The following HAPLN2 variants were observed in gnomAD, a reference collection of about 807,000 sequenced individuals.
The protein encoded by HAPLN2 is hyaluronan and proteoglycan link protein 2.
In HAPLN2, 27 loss-of-function variants were observed where a neutral mutation model predicts 29.3. That is an observed-to-expected ratio of 0.92 (90% CI 0.68 to 1.27). The LOEUF is 1.27. Ranked by LOEUF, HAPLN2 falls within the 50% of genes most tolerant of loss-of-function variation. The pLI is 0.00. For missense variants in HAPLN2, 454 were observed against 484.3 expected (o/e 0.94, Z 0.59); for synonymous variants, 208 against 211.7 (o/e 0.98, Z 0.15).
At position 156,624,417 on chromosome 1, in the gene HAPLN2, C is replaced by G. The variant is rs566088886; in HGVS notation, c.506C>G (p.Ala169Gly). The G allele has an allele frequency of 5.6e-6, 9 of 1,611,560 alleles. No homozygotes were observed. The African/African-American group carries it at 1.1e-4, about 19-fold the overall frequency. ...YQFNYYEAKQ[A>G]CEEQDGRLAT... is the part of the protein sequence containing the mutation. ...TTCAATTACTACGAGGCGAAGCAGG[C>G]GTGCGAGGAGCAGGACGGACGCCTG... is the stretch of plus-strand genomic sequence containing the variant. Residue 169 changes from alanine (A) to glycine (G), a missense_variant, in exon 5 of 7, where the codon GCG becomes GGG. Physicochemically the swap from Ala to Gly is moderately conservative, Grantham distance 60 (BLOSUM62 0). Transcript: ENST00000255039.
the HAPLN2 span, among the ~76,000 whole-genome samples, chr1:156,602,549 C>CAAAAAAAAAAA: frequency 2.3e-5 from 1 of 43,752 alleles, no homozygotes; most frequent in Non-Finnish European, 4.3e-5. Flanking sequence ...CTAAAAATAC[C>CAAAAAAAAAAA]AAAAAAAAAA....
intron 2 of HAPLN2, among the ~76,000 whole-genome samples, chr1:156,621,966 AC>A (rs1678242913): frequency 1.3e-5 from 2 of 151,932 alleles, no homozygotes; most frequent in African/African-American, 4.8e-5. Context: ...GAAAAAAAAA[AC>A]ACAAAACAAA....
At chr1:156,606,066 C>T in the HAPLN2 span, among the ~76,000 whole-genome samples, 1 of 152,020 alleles carries the variant, frequency 6.6e-6, no homozygotes, top group Non-Finnish European at 1.5e-5. Context: ...GGTGGATCAC[C>T]TGAGGTCAGG....
chr1:156,623,943 G>A lies in HAPLN2; in HGVS notation c.222G>A (p.Glu74=). Residue 74 remains glutamate (E), a synonymous_variant, in exon 4 of 7, where the codon GAG becomes GAA. Coordinates refer to ENST00000255039, the MANE Select transcript of HAPLN2 (RefSeq NM_021817.3). The part of the protein sequence containing the change: ...PSYKVRWSKV[E]PGELRETLIL... ...ACAAGGTGCGCTGGAGCAAGGTGGA[G>A]CCTGGGGAGCTCCGGGAAACGCTGA... The A allele has an allele frequency of 6.2e-7, 1 of 1,608,104 alleles. No individual in the cohort carries two copies. Among genetic ancestry groups the A allele is most frequent in the Non-Finnish European group, 8.5e-7 (1 of 1,177,286 alleles).
chr1:156,608,548 A>C, the HAPLN2 span, among the ~76,000 whole-genome samples: 1 of 146,072 alleles, frequency 6.8e-6, no homozygotes, highest in Non-Finnish European at 1.5e-5. Flanking sequence ...TCCTTTCCTT[A>C]CTTTTTTTTT....
the HAPLN2 span, among the ~76,000 whole-genome samples, chr1:156,604,315 T>TCTTTTTTTTTTTTA: frequency 6.6e-6 from 1 of 151,894 alleles, no homozygotes; most frequent in East Asian, 1.9e-4. Flanking sequence ...TTTTTTTTTT[T>TCTTTTTTTTTTTTA]GAGACAGAGT....
chr1:156,618,799 A>G (rs2102521982), upstream of HAPLN2, among the ~76,000 whole-genome samples: 1 of 151,404 alleles, frequency 6.6e-6, no homozygotes, highest in African/African-American at 2.4e-5. Flanking sequence ...AAAAAAAAAA[A>G]AAAAAGACTT....
chr1:156,624,864 C>A (rs12567958), intron 6 of HAPLN2, 81 bp downstream of exon 6: 964,986 of 1,406,302 alleles, frequency 0.69, 341,969 homozygotes, highest in Non-Finnish European at 0.73. Flanking sequence ...AGCTTGAGAT[C>A]AGGGCAGGGT....
At chr1:156,613,916 CAAA>C in the HAPLN2 span, among the ~76,000 whole-genome samples, 71 of 115,740 alleles carry the variant, frequency 6.1e-4, no homozygotes, top group Non-Finnish European at 1.0e-3. Context: ...GATTCCTTCT[CAAA>C]AAAAAAAAAA....
the HAPLN2 span, among the ~76,000 whole-genome samples, chr1:156,603,361 C>T: frequency 8.6e-3 from 1,308 of 152,092 alleles, 19 homozygotes; most frequent in African/African-American, 0.031. Context: ...TTGAGTTTCG[C>T]TGCAGTGTCC....
chr1:156,623,715 G>T (rs1678333397), intron 3 of HAPLN2, 92 bp from the exon 4 acceptor site: 1 of 1,491,714 alleles, frequency 6.7e-7, no homozygotes, highest in Non-Finnish European at 8.9e-7. Flanking sequence ...GGGTTGGGGG[G>T]CTCTGGAGAA....
At chr1:156,621,035 A>C (rs1042889429) in intron 2 of HAPLN2, among the ~76,000 whole-genome samples, 1 of 151,948 alleles carries the variant, frequency 6.6e-6, no homozygotes, top group East Asian at 1.9e-4. Flanking sequence ...ACTTATGCAT[A>C]GTCATGCAAT....
chr1:156,601,579 G>C, the HAPLN2 span: 1 of 960,776 alleles, frequency 1.0e-6, no homozygotes, highest in Non-Finnish European at 1.6e-6. Context: ...CCAATTTGCC[G>C]GTATGGTTGC....
the HAPLN2 span, among the ~76,000 whole-genome samples, chr1:156,601,879 A>G: frequency 1.3e-5 from 2 of 152,112 alleles, no homozygotes; most frequent in African/African-American, 2.4e-5. Context: ...CAGCCTTCAC[A>G]GGAACAGTTA....
chr1:156,611,806 C>T, the HAPLN2 span, among the ~76,000 whole-genome samples: 5 of 152,098 alleles, frequency 3.3e-5, no homozygotes, highest in South Asian at 2.1e-4. Flanking sequence ...AATATTCCTT[C>T]GTTAGTAGGT....
rs1465713788 is a variant in HAPLN2, at chr1:156,624,001, T to C, written c.280T>C (p.Tyr94His). ...CACCAACGGACTGCACGCCCGGGGG[T>C]ATGGGCCCCTGGGAGGGCGCGCCAG... ...LITNGLHARG[Y>H]GPLGGRARMR... The change falls in exon 4 of 7, where the codon TAT becomes CAT. Residue 94 changes from tyrosine to histidine, a missense_variant. Coordinates refer to ENST00000255039, the MANE Select transcript of HAPLN2 (RefSeq NM_021817.3). 1 of 1,609,488 alleles carries C rather than the reference T, an allele frequency of 6.2e-7. No individual in the cohort carries two copies. Among genetic ancestry groups the C allele is most frequent in the African/African-American group, 1.3e-5 (1 of 74,726 alleles).
the HAPLN2 span, among the ~76,000 whole-genome samples, chr1:156,609,881 C>T: frequency 6.6e-6 from 1 of 152,130 alleles, no homozygotes; most frequent in East Asian, 1.9e-4. Context: ...TCCTATAGAA[C>T]AAACCTGCAC....
At chr1:156,606,156 C>T in the HAPLN2 span, among the ~76,000 whole-genome samples, 4 of 152,134 alleles carry the variant, frequency 2.6e-5, no homozygotes, top group South Asian at 8.3e-4. Context: ...CCCAGCTACT[C>T]AGGAGGCAGA....
chr1:156,602,587 T>C, the HAPLN2 span, among the ~76,000 whole-genome samples: 5 of 98,186 alleles, frequency 5.1e-5, no homozygotes, highest in South Asian at 1.8e-3. Context: ...CCGGGCATGG[T>C]GGTGCACGCC....
Sources: gnomAD v4.1 joint callset for allele counts (sites outside exome capture counted in the v4.1 genomes callset) on GRCh38, gnomAD v4.1.1 for gene constraint, MANE v1.5 for transcripts, NCBI Gene and HGNC (gene_info 2026-07-23, HGNC 2026-07-21) for gene names.